The following FHIT variants were observed in gnomAD, a reference collection of about 807,000 sequenced individuals.
The protein encoded by FHIT is fragile histidine triad diadenosine triphosphatase.
In FHIT, 19 loss-of-function variants were observed where a neutral mutation model predicts 17.9. That is an observed-to-expected ratio of 1.06 (90% CI 0.74 to 1.56). The LOEUF is 1.56. Ranked by LOEUF, FHIT falls within the 40% of genes most tolerant of loss-of-function variation. The pLI is 0.00. For missense variants in FHIT, 248 were observed against 189.2 expected (o/e 1.31, Z -1.82); for synonymous variants, 81 against 69.7 (o/e 1.16, Z -0.81).
At chr3:60,021,818 A>G (rs935356186) in intron 5 of FHIT, among the ~76,000 whole-genome samples, 6 of 152,174 alleles carry the variant, frequency 3.9e-5, no homozygotes, top group Non-Finnish European at 8.8e-5. Flanking sequence ...TCCATGTATA[A>G]TACCTACTGC....
At chr3:61,118,197 A>G (rs749643470) in intron 2 of FHIT, among the ~76,000 whole-genome samples, 3 of 152,184 alleles carry the variant, frequency 2.0e-5, no homozygotes, top group Non-Finnish European at 4.4e-5. Flanking sequence ...GGCCCGTGAT[A>G]AGGCTCATTA....
chr3:59,843,125 C>T (rs1701591466), intron 8 of FHIT, among the ~76,000 whole-genome samples: 2 of 152,100 alleles, frequency 1.3e-5, no homozygotes, highest in Non-Finnish European at 2.9e-5. Context: ...TATTCTTTTG[C>T]ACTTGGATAC....
At chr3:60,164,620 AAT>A (rs1701082398) in intron 5 of FHIT, among the ~76,000 whole-genome samples, 1 of 151,976 alleles carries the variant, frequency 6.6e-6, no homozygotes, top group Non-Finnish European at 1.5e-5. Flanking sequence ...AAAAAAAAAA[AAT>A]AAAAGAGGTG....
intron 5 of FHIT, among the ~76,000 whole-genome samples, chr3:60,188,505 G>A (rs1702262202): frequency 6.6e-6 from 1 of 151,650 alleles, no homozygotes; most frequent in Non-Finnish European, 1.5e-5. Context: ...TTTTTCTCTG[G>A]GTCTTGCCTC....
At chr3:60,782,237 G>GTGTGTATA (rs1553725880) in intron 4 of FHIT, among the ~76,000 whole-genome samples, 1 of 95,534 alleles carries the variant, frequency 1.0e-5, no homozygotes, top group Non-Finnish European at 2.5e-5. Flanking sequence ...GTGTGTGTGT[G>GTGTGTATA]TATATATATA....
At chr3:59,871,455 C>G (rs77713346) in intron 8 of FHIT, among the ~76,000 whole-genome samples, 25 of 152,212 alleles carry the variant, frequency 1.6e-4, no homozygotes, top group Admixed American at 4.6e-4. Context: ...CCCACCCCCC[C>G]ACACACGCAC....
intron 5 of FHIT, among the ~76,000 whole-genome samples, chr3:60,521,279 G>A (rs762735149): frequency 2.6e-5 from 4 of 151,884 alleles, no homozygotes; most frequent in African/African-American, 9.7e-5. Context: ...GCGGAGGCTT[G>A]CTCTGTCTCC....
chr3:60,322,486 C>T lies in FHIT; in HGVS notation c.103+214374G>A, dbSNP rs11711514. Among the ~76,000 whole-genome samples the T allele has an allele frequency of 1.0e-2, 1,522 of 152,280 alleles. 10 individuals are homozygous for T. The highest frequency in any genetic ancestry group is 0.015 in the Non-Finnish European group (1,035 of 68,018). ...AACTTTATATTACATAATCCTTTTG[C>T]TTTATTAACAAGAAGTCTAAGGTCC... On this transcript the variant is annotated intron_variant, in intron 5 of 9. Transcript: ENST00000492590.
intron 2 of FHIT, among the ~76,000 whole-genome samples, chr3:61,088,106 T>C (rs936823373): frequency 6.6e-6 from 1 of 152,144 alleles, no homozygotes; most frequent in Non-Finnish European, 1.5e-5. Flanking sequence ...ATCAGATACC[T>C]AGCCCTAGAT....
chr3:60,659,426 C>G (rs9868814), intron 4 of FHIT, among the ~76,000 whole-genome samples: 7,964 of 150,488 alleles, frequency 0.053, 703 homozygotes, highest in African/African-American at 0.18. Flanking sequence ...TGGTCTGCTT[C>G]ATGGTGTCCA....
chr3:61,136,284 T>G (rs570113616), intron 2 of FHIT, among the ~76,000 whole-genome samples: 1 of 151,972 alleles, frequency 6.6e-6, no homozygotes, highest in East Asian at 1.9e-4. Context: ...GTAATTAGTT[T>G]AGGCTGTAGA....
intron 5 of FHIT, among the ~76,000 whole-genome samples, chr3:60,034,151 G>C (rs1285946439): frequency 6.6e-6 from 1 of 152,180 alleles, no homozygotes; most frequent in Non-Finnish European, 1.5e-5. Flanking sequence ...GTCCCTGCTG[G>C]AGCAGAGATT....
rs1186875757 is a variant in FHIT, at chr3:60,740,424, G to A, written c.-18+81495C>T. Reference sequence around the variant, plus strand: ...TTGTTAAAAGGGTTAAATAACTTATGTAAAGTGCTGAACACAATGCCTCCC... The same window carrying A: ...TTGTTAAAAGGGTTAAATAACTTATATAAAGTGCTGAACACAATGCCTCCC... On this transcript the variant is annotated intron_variant, in intron 4 of 9. Transcript: ENST00000492590. 2.6e-5 allele frequency among the ~76,000 whole-genome samples: 4 copies of A among 152,294 alleles called. No homozygotes were observed. In the East Asian group the frequency reaches 7.7e-4, roughly 29 times the overall value.
At position 60,503,039 on chromosome 3, in the gene FHIT, T is replaced by C. The variant is rs562403006; in HGVS notation, c.103+33821A>G. Among the ~76,000 whole-genome samples the C allele has an allele frequency of 7.0e-4, 107 of 152,352 alleles. 1 individual carries two copies. The highest frequency in any genetic ancestry group is 2.6e-3 in the African/African-American group (107 of 41,590). ...CAACAAAACAACGAAACTACATTTA[T>C]GCTGTATTGGTTAAGAACATAGGTG... On this transcript the variant is annotated intron_variant, in intron 5 of 9. Transcript: ENST00000492590.
chr3:60,155,486 C>T (rs568099514), intron 5 of FHIT, among the ~76,000 whole-genome samples: 1 of 152,276 alleles, frequency 6.6e-6, no homozygotes, highest in Admixed American at 6.5e-5. Context: ...TGTCCTTCCC[C>T]AATTCTGACA....
intron 7 of FHIT, among the ~76,000 whole-genome samples, chr3:59,983,784 T>C (rs1175219134): frequency 6.6e-6 from 1 of 152,080 alleles, no homozygotes; most frequent in Non-Finnish European, 1.5e-5. Flanking sequence ...GCCCCATTAG[T>C]ACCAGAAAAT....
At chr3:59,888,358 A>C (rs1340980091) in intron 8 of FHIT, among the ~76,000 whole-genome samples, 1 of 152,214 alleles carries the variant, frequency 6.6e-6, no homozygotes, top group African/African-American at 2.4e-5. Context: ...AAGTGTATCT[A>C]CATTGCATGT....
intron 3 of FHIT, among the ~76,000 whole-genome samples, chr3:60,961,105 A>AT (rs1231713047): frequency 2.6e-5 from 4 of 152,114 alleles, no homozygotes; most frequent in Non-Finnish European, 4.4e-5. Context: ...TTGTTTCCTG[A>AT]TTTTTTAATG....
intron 3 of FHIT, among the ~76,000 whole-genome samples, chr3:60,995,091 C>T (rs2030556132): frequency 1.3e-5 from 2 of 152,052 alleles, no homozygotes; most frequent in Admixed American, 6.6e-5. Flanking sequence ...GAGGCCGAGG[C>T]GGGCGGATCA....
Sources: allele counts gnomAD v4.1 joint callset (sites outside exome capture counted in the v4.1 genomes callset), GRCh38; gene constraint gnomAD v4.1.1; transcripts MANE v1.5; gene names NCBI Gene and HGNC (gene_info 2026-07-23, HGNC 2026-07-21).